Variants in PIGQ observed in about 807,000 individuals in gnomAD.
PIGQ encodes the protein phosphatidylinositol N-acetylglucosaminyltransferase subunit Q.
Under a neutral mutation model 60.3 loss-of-function variants are expected in PIGQ, and 54 were observed. That is an observed-to-expected ratio of 0.90 (90% CI 0.72 to 1.12). The LOEUF (loss-of-function observed/expected upper bound fraction) is 1.12. PIGQ is among the 50% of genes most tolerant of loss of function. The pLI is 0.00. For synonymous variants in PIGQ, 416 were observed against 363.7 expected, an observed-to-expected ratio of 1.14 and a Z score of -1.64; for missense variants, 799 against 793.5, an observed-to-expected ratio of 1.01 and a Z score of -0.08.
intron 7 of PIGQ, 101 bp downstream of exon 7, chr16:579,281 G>A (rs1290541558): frequency 1.2e-5 from 11 of 885,534 alleles, no homozygotes; most frequent in South Asian, 4.3e-5. Flanking sequence ...GCCTGCTCCC[G>A]TCCTGCAGCT....
Position 578,860 on chromosome 16 carries a change from CGGT to C in PIGQ, c.1148_1150del (p.Val383del). On this transcript the variant is annotated inframe_deletion, in exon 6 of 11. Transcript: ENST00000321878. Reference sequence around the variant, plus strand: ...GGCCTCTCGGCCTGCCTGGGCCTGACGGTGGCCCTGTCCCTCCTCTCGGACATT... The same window carrying C: ...GGCCTCTCGGCCTGCCTGGGCCTGACGGCCCTGTCCCTCCTCTCGGACATT... The C allele has an allele frequency of 6.2e-7, 1 of 1,613,758 alleles. No homozygotes were observed. The highest frequency in any genetic ancestry group is 1.7e-5 in the Admixed American group (1 of 60,024).
At chr16:578,224 T>G in intron 4 of PIGQ, 155 bp from the exon 5 acceptor site, 1 of 692,828 alleles carries the variant, frequency 1.4e-6, no homozygotes, top group African/African-American at 1.8e-5. Context: ...GAGCCATCTG[T>G]GAAGGGGAGC....
rs369415285 is a variant in PIGQ, at chr16:574,215, G to C, written c.141G>C (p.Gln47His). Residue 47 changes from glutamine to histidine, a missense_variant, in exon 2 of 11, where the codon CAG (glutamine) becomes CAC (histidine). Coordinates refer to ENST00000321878, the MANE Select transcript of PIGQ (RefSeq NM_004204.5). ...HFPFIPIQVK[Q>H]LLAQVRQASQ... ...CCTTCATCCCCATCCAGGTCAAGCA[G>C]CTCCTGGCCCAGGTGCGGCAGGCCA... The C allele has an allele frequency of 1.2e-6, 2 of 1,611,998 alleles. No individual in the cohort carries two copies. The highest frequency in any genetic ancestry group is 1.3e-5 in the African/African-American group (1 of 74,922).
intron 1 of PIGQ, among the ~76,000 whole-genome samples, chr16:571,286 G>T (rs1157439716): frequency 3.6e-5 from 1 of 27,714 alleles, no homozygotes; most frequent in Non-Finnish European, 6.7e-5. Context: ...CTAGCCTGGC[G>T]CCCGTGTGTG....
At position 578,930 on chromosome 16, in the gene PIGQ, T is replaced by G; in HGVS notation, c.1215T>G (p.Tyr405Ter). The G allele has an allele frequency of 1.2e-6, 2 of 1,609,570 alleles. No homozygotes were observed. Among genetic ancestry groups the G allele is most frequent in the Non-Finnish European group, 1.7e-6 (2 of 1,178,940 alleles). Reference sequence around the variant, plus strand: ...TCCACATCTACTGCTTTTACGTCTATGGAGCCAGGTGGGCGTGGGCTTCCC... The same window carrying G: ...TCCACATCTACTGCTTTTACGTCTAGGGAGCCAGGTGGGCGTGGGCTTCCC... ...LTFHIYCFYV[Y>*]GARLYCLKIH... Residue 405 changes from tyrosine to a stop codon, truncating the protein, a stop_gained, in exon 6 of 11, where the codon TAT becomes TAG. Coordinates refer to ENST00000321878, the MANE Select transcript of PIGQ (RefSeq NM_004204.5). LOFTEE classifies it high-confidence loss of function.
chr16:582,787 A>G, intron 10 of PIGQ, 96 bp from the exon 11 acceptor site: 1 of 1,291,510 alleles, frequency 7.7e-7, no homozygotes, highest in Non-Finnish European at 1.1e-6. Flanking sequence ...CTGAGACAGC[A>G]CTGGCCCTGC....
rs1248443401 is a variant in PIGQ, at chr16:574,853, A to G, written c.689+90A>G. On this transcript the variant is annotated intron_variant, in intron 2 of 10. Transcript: ENST00000321878. ...GTCTGCAGTGGGCACAGAGGCCCAGATGCGCTCTTCCTGGGCCCGGGCCCC... is the reference window on the plus strand; with the variant it reads ...GTCTGCAGTGGGCACAGAGGCCCAGGTGCGCTCTTCCTGGGCCCGGGCCCC... The G allele has an allele frequency of 6.7e-6, 7 of 1,048,108 alleles. No homozygotes were observed. In the African/African-American group the frequency reaches 9.7e-5, roughly 14 times the overall value. The allele number at this position is 1,048,108 out of a possible 1,614,324, so 64.9% of individuals were successfully genotyped here. A position where few individuals can be genotyped will look rare whatever the true frequency, so the allele number is the denominator to read the frequency against.
At chr16:577,494 G>A (rs575619250) in intron 4 of PIGQ, among the ~76,000 whole-genome samples, 29 of 151,528 alleles carry the variant, frequency 1.9e-4, no homozygotes, top group Admixed American at 1.4e-3. Flanking sequence ...AGAGAATGGC[G>A]TGAACCCGGG....
At position 583,158 on chromosome 16, in the gene PIGQ, C is replaced by G. The variant is rs2035840532; in HGVS notation, c.*123C>G. 1.9e-6 allele frequency: 3 copies of G among 1,613,334 alleles called. No individual in the cohort carries two copies. The highest frequency in any genetic ancestry group is 2.5e-6 in the Non-Finnish European group (3 of 1,179,978). ...GTGGACGCTGCTGTGTGCTCCTGAA[C>G]ACGGCAGGCCCTGCTATCACACCTT... On this transcript the variant is annotated 3_prime_UTR_variant, in exon 11 of 11. Coordinates refer to ENST00000321878, the MANE Select transcript of PIGQ (RefSeq NM_004204.5).
intron 2 of PIGQ, 142 bp downstream of exon 2, chr16:574,905 GC>G: frequency 1.5e-6 from 1 of 668,302 alleles, no homozygotes; most frequent in Non-Finnish European, 2.5e-6. Context: ...CCGGGCTTTG[GC>G]CCCATCCTGC....
At chr16:582,537 G>A (rs889259694) in intron 10 of PIGQ, 5 of 571,810 alleles carry the variant, frequency 8.7e-6, no homozygotes, top group East Asian at 5.7e-5. Context: ...GCCCTGTGTC[G>A]GAGGCGCCCT....
At chr16:577,661 C>T (rs2035742677) in intron 4 of PIGQ, among the ~76,000 whole-genome samples, 1 of 152,134 alleles carries the variant, frequency 6.6e-6, no homozygotes, top group Non-Finnish European at 1.5e-5. Flanking sequence ...TTGGAAGGGG[C>T]CTGCGCAATG....
At chr16:581,142 A>T in intron 9 of PIGQ, 170 bp downstream of exon 9, 1 of 1,465,396 alleles carries the variant, frequency 6.8e-7, no homozygotes, top group Non-Finnish European at 9.1e-7. Flanking sequence ...AGAGGTCTGC[A>T]GGACCAGCTG....
At chr16:575,043 C>T (rs1165172459) in intron 2 of PIGQ, among the ~76,000 whole-genome samples, 1 of 152,172 alleles carries the variant, frequency 6.6e-6, no homozygotes, top group Non-Finnish European at 1.5e-5. Flanking sequence ...TGGCTTAGGT[C>T]CCTGAAAGAG....
rs375275048 is a variant in PIGQ at position 584,071 on chromosome 16, G to C, written c.*1036G>C. Reference sequence around the variant, plus strand: ...CTGGCAACCCAGCACCGGGGAAGCCGTCAGCTGCTGTGACAATAAAACCTG... The same window carrying C: ...CTGGCAACCCAGCACCGGGGAAGCCCTCAGCTGCTGTGACAATAAAACCTG... On this transcript the variant is annotated 3_prime_UTR_variant, in exon 11 of 11. Coordinates refer to ENST00000321878, the MANE Select transcript of PIGQ (RefSeq NM_004204.5). 10 of 293,978 alleles carry C rather than the reference G, an allele frequency of 3.4e-5. No homozygotes were observed. The highest frequency in any genetic ancestry group is 6.5e-5 in the African/African-American group (3 of 46,032). The allele number at this position is 293,978 out of a possible 1,614,324, so 18.2% of individuals were successfully genotyped here. A position where few individuals can be genotyped will look rare whatever the true frequency, so the allele number is the denominator to read the frequency against.
At chr16:575,285 T>G (rs150042281) in intron 2 of PIGQ, among the ~76,000 whole-genome samples, 2 of 152,290 alleles carry the variant, frequency 1.3e-5, no homozygotes, top group East Asian at 3.9e-4. Context: ...CAAGGGTCAG[T>G]TGAAGCCCAA....
At chr16:581,946 T>C (rs922245529) in intron 9 of PIGQ, 1 of 410,914 alleles carries the variant, frequency 2.4e-6, no homozygotes, top group African/African-American at 2.1e-5. Flanking sequence ...GTATTTTTAG[T>C]ACGTATGGGG....
Position 574,367 on chromosome 16 carries a change from G to T in PIGQ, c.293G>T (p.Arg98Leu). The T allele has an allele frequency of 6.2e-7, 1 of 1,610,236 alleles. No homozygotes were observed. The highest frequency in any genetic ancestry group is 8.5e-7 in the Non-Finnish European group (1 of 1,179,360). Reference sequence around the variant, plus strand: ...CATGAGCCCTGGCTGCGGCTGTGCCGGGAGAGAGGCGGCACGTTCTGGAGC... The same window carrying T: ...CATGAGCCCTGGCTGCGGCTGTGCCTGGAGAGAGGCGGCACGTTCTGGAGC... Reference protein sequence around the residue: ...FPHEPWLRLCRERGGTFWSCE... With the variant: ...FPHEPWLRLCLERGGTFWSCE... The change falls in exon 2 of 11, where the codon CGG (arginine) becomes CTG (leucine). Residue 98 changes from arginine to leucine, a missense_variant. Arg to Leu is a moderately radical substitution (Grantham distance 102, BLOSUM62 -2). Coordinates refer to ENST00000321878, the MANE Select transcript of PIGQ (RefSeq NM_004204.5).
At chr16:577,404 C>A (rs572011499) in intron 4 of PIGQ, among the ~76,000 whole-genome samples, 1 of 151,786 alleles carries the variant, frequency 6.6e-6, no homozygotes, top group East Asian at 1.9e-4. Context: ...AGTGAAATCC[C>A]GTCTCTACTA....
Sources: allele counts gnomAD v4.1 joint callset (sites outside exome capture counted in the v4.1 genomes callset), GRCh38; gene constraint gnomAD v4.1.1; transcripts MANE v1.5; gene names NCBI Gene and HGNC (gene_info 2026-07-23, HGNC 2026-07-21).